The following DPP10 variants were observed in gnomAD, a reference collection of about 807,000 sequenced individuals.
DPP10 encodes inactive dipeptidyl peptidase 10.
In DPP10, 33 loss-of-function variants were observed where a neutral mutation model predicts 120.9. The ratio of observed to expected loss-of-function variants is 0.27; its 90% CI spans 0.21 to 0.37. DPP10 has a LOEUF of 0.37. DPP10 is among the 10% of genes least tolerant of loss of function. The pLI, the probability that DPP10 is intolerant of heterozygous loss-of-function variation, is 1.00. For synonymous variants in DPP10, 337 were observed against 326.1 expected, an observed-to-expected ratio of 1.03 and a Z score of -0.36; for missense variants, 816 against 942.8, an observed-to-expected ratio of 0.87 and a Z score of 1.76.
At chr2:114,798,794 C>A (rs1265824776) in intron 1 of DPP10, among the ~76,000 whole-genome samples, 1 of 152,114 alleles carries the variant, frequency 6.6e-6, no homozygotes, top group East Asian at 1.9e-4. Flanking sequence ...TTCACTTTTC[C>A]ATTTTTGTGT....
chr2:114,610,118 G>A (rs138644396), intron 1 of DPP10, among the ~76,000 whole-genome samples: 1,920 of 152,236 alleles, frequency 0.013, 43 homozygotes, highest in African/African-American at 0.043. Context: ...TCCATCTTAC[G>A]GATGACGAAA....
chr2:115,384,005 C>T (rs769132558), intron 3 of DPP10, among the ~76,000 whole-genome samples: 48 of 152,304 alleles, frequency 3.2e-4, no homozygotes, highest in Non-Finnish European at 5.0e-4. Context: ...AGAATACTGC[C>T]TGCATGCTTA....
At chr2:115,327,602 A>C (rs1309950566) in intron 2 of DPP10, among the ~76,000 whole-genome samples, 2 of 152,034 alleles carry the variant, frequency 1.3e-5, no homozygotes, top group African/African-American at 4.8e-5. Context: ...GTAGTTTGTT[A>C]CTCATTCCTT....
At chr2:114,753,405 C>CT (rs1679416702) in intron 1 of DPP10, among the ~76,000 whole-genome samples, 1 of 152,110 alleles carries the variant, frequency 6.6e-6, no homozygotes, top group Admixed American at 6.5e-5. Flanking sequence ...AGTGTTATGC[C>CT]TACAACATTG....
In DPP10 at chr2:115,538,445, A is replaced by C. The variant is rs116718487; in HGVS notation, c.441+12473A>C. ...TTAATGAGTTTAAAATAAATAGATA[A>C]AAGTATACTTATCATAGTTTTGAAT... On this transcript the variant is annotated intron_variant, in intron 5 of 25. Coordinates refer to ENST00000410059, the MANE Select transcript of DPP10 (RefSeq NM_020868.6). Among the ~76,000 whole-genome samples, 530 of 152,124 alleles carry C rather than the reference A, an allele frequency of 3.5e-3. 2 individuals are homozygous for C. Among genetic ancestry groups the C allele is most frequent in the African/African-American group, 0.012 (493 of 41,532 alleles).
rs868565363 is a variant in DPP10, at chr2:115,592,339, A to G, written c.441+66367A>G. Reference sequence around the variant, plus strand: ...CAAGGGTGGTCTTGTTAGGTAAATGAAGCTTCCCTCAGAGAAAATAGATGG... The same window carrying G: ...CAAGGGTGGTCTTGTTAGGTAAATGGAGCTTCCCTCAGAGAAAATAGATGG... On this transcript the variant is annotated intron_variant, in intron 5 of 25. Coordinates refer to ENST00000410059, the MANE Select transcript of DPP10 (RefSeq NM_020868.6). Among the ~76,000 whole-genome samples, 4 of 152,246 alleles carry G rather than the reference A, an allele frequency of 2.6e-5. 1 individual carries two copies. In the Middle Eastern group the frequency reaches 0.014, roughly 525 times the overall value.
At chr2:114,569,722 A>G (rs1689470878) in intron 1 of DPP10, among the ~76,000 whole-genome samples, 1 of 152,140 alleles carries the variant, frequency 6.6e-6, no homozygotes, top group African/African-American at 2.4e-5. Context: ...AAGTGGGAAA[A>G]TGGTAAAGAG....
At position 115,326,340 on chromosome 2, in the gene DPP10, G is replaced by C. The variant is rs191876414; in HGVS notation, c.175+16987G>C. Among the ~76,000 whole-genome samples the C allele has an allele frequency of 1.2e-4, 18 of 152,014 alleles. No homozygotes were observed. In the East Asian group the frequency reaches 3.5e-3, roughly 29 times the overall value. On this transcript the variant is annotated intron_variant, in intron 2 of 25. Coordinates refer to ENST00000410059, the MANE Select transcript of DPP10 (RefSeq NM_020868.6). ...TTACTCTGGTGTTTTTGGTGATGCT[G>C]GCATAAGTAAACCTACTGTGTTGCC...
chr2:114,482,995 A>G (rs1681193727), intron 1 of DPP10, among the ~76,000 whole-genome samples: 1 of 152,190 alleles, frequency 6.6e-6, no homozygotes. Context: ...AAACAAGTTA[A>G]TGAAACAAAT....
intron 1 of DPP10, among the ~76,000 whole-genome samples, chr2:114,632,600 C>G (rs137891898): frequency 3.5e-5 from 5 of 142,396 alleles, no homozygotes; most frequent in African/African-American, 1.3e-4. Flanking sequence ...GCAAGCTCTG[C>G]GTCCTGGGTT....
chr2:114,659,328 A>AT (rs34905999), intron 1 of DPP10, among the ~76,000 whole-genome samples: 21,269 of 150,374 alleles, frequency 0.14, 1,992 homozygotes, highest in African/African-American at 0.27. Flanking sequence ...ATAGCAAGCA[A>AT]TTTTTTTTTT....
intron 1 of DPP10, among the ~76,000 whole-genome samples, chr2:114,991,033 TA>T (rs1384187157): frequency 1.3e-5 from 2 of 152,130 alleles, no homozygotes; most frequent in Admixed American, 6.6e-5. Context: ...ATTTCTTAAA[TA>T]AAAAAATTAA....
At chr2:115,297,539 G>A (rs1250817932) in intron 1 of DPP10, among the ~76,000 whole-genome samples, 2 of 151,962 alleles carry the variant, frequency 1.3e-5, no homozygotes, top group Non-Finnish European at 2.9e-5. Flanking sequence ...TAGTTTCTGG[G>A]TTTGTTATAT....
chr2:114,740,305 A>C (rs1677900844), intron 1 of DPP10, among the ~76,000 whole-genome samples: 2 of 145,808 alleles, frequency 1.4e-5, no homozygotes, highest in South Asian at 4.5e-4. Flanking sequence ...GGAATTGAAC[A>C]ATGAGAACAC....
At chr2:115,322,282 A>G (rs1260108895) in intron 2 of DPP10, among the ~76,000 whole-genome samples, 3 of 152,130 alleles carry the variant, frequency 2.0e-5, no homozygotes, top group East Asian at 3.9e-4. Flanking sequence ...TTCACCATGT[A>G]TGTTCTCTGA....
chr2:115,074,178 A>C (rs1201874213), intron 1 of DPP10, among the ~76,000 whole-genome samples: 3 of 151,896 alleles, frequency 2.0e-5, no homozygotes, highest in Non-Finnish European at 4.4e-5. Context: ...TACCCAGATA[A>C]CTTTTTTAAA....
Position 115,778,380 on chromosome 2 carries a change from A to T in DPP10, c.1361+546A>T, listed in dbSNP as rs567525201. Among the ~76,000 whole-genome samples the T allele has an allele frequency of 3.3e-5, 5 of 152,174 alleles. No homozygotes were observed. In the South Asian group the frequency reaches 1.0e-3, roughly 32 times the overall value. On this transcript the variant is annotated intron_variant, in intron 15 of 25. Coordinates refer to ENST00000410059, the MANE Select transcript of DPP10 (RefSeq NM_020868.6). ...ATTGCTTGCTAAAATAAAGCAATAT[A>T]GGGGAAAATAATTACATTTGTTCAA... is the stretch of plus-strand genomic sequence containing the variant.
chr2:114,899,224 G>T (rs1007384375), intron 1 of DPP10, among the ~76,000 whole-genome samples: 20 of 151,894 alleles, frequency 1.3e-4, no homozygotes, highest in Non-Finnish European at 2.6e-4. Context: ...TTTACAGCTA[G>T]TTGTCTATTT....
chr2:114,971,981 C>A (rs1019506867), intron 1 of DPP10, among the ~76,000 whole-genome samples: 1 of 152,106 alleles, frequency 6.6e-6, no homozygotes, highest in African/African-American at 2.4e-5. Flanking sequence ...AGTGTGTCAT[C>A]CTTTATAGTA....
Sources: allele counts gnomAD v4.1 joint callset (sites outside exome capture counted in the v4.1 genomes callset), GRCh38; gene constraint gnomAD v4.1.1; transcripts MANE v1.5; gene names NCBI Gene and HGNC (gene_info 2026-07-23, HGNC 2026-07-21).